Variants in GPAT3 observed in about 807,000 individuals in gnomAD.
The protein encoded by GPAT3 is glycerol-3-phosphate acyltransferase 3.
A neutral mutation model predicts 58.8 loss-of-function variants in GPAT3; 53 were observed. The ratio of observed to expected loss-of-function variants is 0.90; its 90% confidence interval spans 0.72 to 1.13. GPAT3 has a LOEUF of 1.13. Ranked by LOEUF, GPAT3 falls within the 50% of genes most tolerant of loss-of-function variation. GPAT3 has a pLI of 0.00. For synonymous variants in GPAT3, 197 were observed against 187.4 expected, an observed-to-expected ratio of 1.05 and a Z score of -0.42; for missense variants, 511 against 527.6, an observed-to-expected ratio of 0.97 and a Z score of 0.31.
chr4:83,586,258 A>G (rs1416699521), intron 3 of GPAT3, among the ~76,000 whole-genome samples: 1 of 152,204 alleles, frequency 6.6e-6, no homozygotes, highest in Non-Finnish European at 1.5e-5. Context: ...GAAAGTAAAG[A>G]TAGCTACGTG....
chr4:83,604,692 G>A lies in GPAT3; in HGVS notation c.1230G>A (p.Lys410=). 6.2e-7 allele frequency: 1 copy of A among 1,613,832 alleles called. No individual in the cohort carries two copies. Among genetic ancestry groups the A allele is most frequent in the Non-Finnish European group, 8.5e-7 (1 of 1,179,896 alleles). The change falls in exon 12 of 12, where the codon AAG becomes AAA. Residue 410 remains lysine, a synonymous_variant. Transcript: ENST00000264409. The part of the protein sequence containing the change: ...LPWDGGLKRA[K]VKDIFKEEQQ... ...GGGATGGAGGACTAAAGAGAGCAAA[G>A]GTGAAGGACATCTTTAAGGAAGAGC...
At chr4:83,594,717 T>G in intron 6 of GPAT3, 128 bp from the exon 7 acceptor site, 1 of 729,906 alleles carries the variant, frequency 1.4e-6, no homozygotes, top group Non-Finnish European at 2.3e-6. Context: ...TTGATCAGAC[T>G]AAGAACTTCA....
intron 6 of GPAT3, 150 bp from the exon 7 acceptor site, chr4:83,594,695 C>T (rs571805422): frequency 1.7e-6 from 1 of 594,102 alleles, no homozygotes; most frequent in South Asian, 2.3e-5. Flanking sequence ...TACATTTGGC[C>T]TTTCAGACTA....
chr4:83,589,917 C>T (rs570916747), intron 5 of GPAT3, among the ~76,000 whole-genome samples: 1 of 152,146 alleles, frequency 6.6e-6, no homozygotes, highest in South Asian at 2.1e-4. Flanking sequence ...CATGGAGAAA[C>T]CTCATCTCTG....
chr4:83,559,866 G>T, intron 2 of GPAT3, among the ~76,000 whole-genome samples: 1 of 152,154 alleles, frequency 6.6e-6, no homozygotes, highest in South Asian at 2.1e-4. Context: ...AGATAGCAGT[G>T]CTTCTGTTTG....
At chr4:83,591,088 G>T (rs1726582265) in intron 6 of GPAT3, among the ~76,000 whole-genome samples, 1 of 152,042 alleles carries the variant, frequency 6.6e-6, no homozygotes, top group African/African-American at 2.4e-5. Context: ...TTTTCATGGT[G>T]GTGGGTTGGG....
upstream of GPAT3, chr4:83,536,060 G>A: frequency 1.0e-6 from 1 of 985,478 alleles, no homozygotes; most frequent in South Asian, 4.7e-5. Flanking sequence ...GAGGAGGTGG[G>A]GCGAGGGCAG....
chr4:83,543,256 CA>C (rs376887166), intron 1 of GPAT3, among the ~76,000 whole-genome samples: 63 of 144,500 alleles, frequency 4.4e-4, no homozygotes, highest in African/African-American at 5.8e-4. Context: ...GCCCCTGTCT[CA>C]AAAAAAAAAA....
At chr4:83,535,598 C>T (rs916834092), upstream of GPAT3, 1 of 595,970 alleles carries the variant, frequency 1.7e-6, no homozygotes, top group Non-Finnish European at 2.1e-6. Context: ...GGAATCTTCC[C>T]CCAGAAAGGG....
At chr4:83,543,523 G>T (rs779907004) in intron 1 of GPAT3, among the ~76,000 whole-genome samples, 15 of 152,128 alleles carry the variant, frequency 9.9e-5, no homozygotes, top group Non-Finnish European at 1.8e-4. Context: ...TTGTTTTCCA[G>T]TTCTTAAATT....
At chr4:83,589,604 T>C (rs1470954737) in intron 5 of GPAT3, among the ~76,000 whole-genome samples, 2 of 152,194 alleles carry the variant, frequency 1.3e-5, no homozygotes, top group African/African-American at 4.8e-5. Context: ...ATTTTCTCCG[T>C]GGATTACCAT....
At chr4:83,587,804 A>C (rs1335826632) in intron 4 of GPAT3, among the ~76,000 whole-genome samples, 2 of 152,144 alleles carry the variant, frequency 1.3e-5, no homozygotes, top group Non-Finnish European at 2.9e-5. Context: ...GATTTTTTTA[A>C]ATCATACTTC....
At chr4:83,574,700 A>G in intron 2 of GPAT3, among the ~76,000 whole-genome samples, 1 of 111,162 alleles carries the variant, frequency 9.0e-6, no homozygotes, top group Non-Finnish European at 1.7e-5. Context: ...TTACCAATTT[A>G]AGAACTGTGG....
rs70965361 is a variant in GPAT3, at chr4:83,598,751, C to CTTT, written c.1205+62_1205+64dup. The CTTT allele has an allele frequency of 9.2e-3, 1,398 of 152,402 alleles. 298 individuals carry two copies. Among genetic ancestry groups the CTTT allele is most frequent in the South Asian group, 0.012 (238 of 20,354 alleles). The allele number at this position is 152,402 out of a possible 1,614,324, so 9.4% of individuals were successfully genotyped here. A position where few individuals can be genotyped will look rare whatever the true frequency, so the allele number is the denominator to read the frequency against. ...AAGAGAACTTTCAGAAGTACTATCA[C>CTTT]TTTTTTTTTTTTTTTTTTTTTTTTT... On this transcript the variant is annotated intron_variant, in intron 11 of 11. Transcript: ENST00000264409.
intron 5 of GPAT3, among the ~76,000 whole-genome samples, chr4:83,588,925 A>C (rs915864564): frequency 6.6e-6 from 1 of 152,066 alleles, no homozygotes; most frequent in Non-Finnish European, 1.5e-5. Flanking sequence ...TATTATCTTA[A>C]TTTTTTTTAG....
chr4:83,590,243 C>T lies in GPAT3; in HGVS notation c.689C>T (p.Thr230Ile), dbSNP rs780534063. 1.2e-5 allele frequency: 20 copies of T among 1,613,934 alleles called. No homozygotes were observed. The highest frequency in any genetic ancestry group is 1.7e-5 in the Non-Finnish European group (20 of 1,179,880). ...GGAGGCATTTGTGTTGCCAACCATA[C>T]TTCCCCCATTGATGTTTTAATCTTG... ...QKGGICVANHTSPIDVLILTT... is the reference protein window; with the variant it reads ...QKGGICVANHISPIDVLILTT... Residue 230 changes from threonine (T) to isoleucine (I), a missense_variant, in exon 6 of 12, where the codon ACT (threonine) becomes ATT (isoleucine). Thr to Ile is a moderately conservative substitution (Grantham distance 89, BLOSUM62 -1). Transcript: ENST00000264409.
chr4:83,547,185 T>C (rs1724553238), intron 2 of GPAT3, among the ~76,000 whole-genome samples: 1 of 151,646 alleles, frequency 6.6e-6, no homozygotes, highest in Non-Finnish European at 1.5e-5. Context: ...AAATAGATTT[T>C]GAGGAGCTGA....
intron 2 of GPAT3, among the ~76,000 whole-genome samples, chr4:83,547,531 C>A (rs375684080): frequency 6.6e-6 from 1 of 151,882 alleles, no homozygotes; most frequent in South Asian, 2.1e-4. Context: ...GGATTACAGG[C>A]GTGAGCTACT....
chr4:83,544,633 C>G, intron 2 of GPAT3, 31 bp downstream of exon 2: 1 of 1,607,072 alleles, frequency 6.2e-7, no homozygotes, highest in South Asian at 1.1e-5. Context: ...TGATTGTTAC[C>G]ATATTTAAAT....
Sources: allele counts gnomAD v4.1 joint callset (sites outside exome capture counted in the v4.1 genomes callset), GRCh38; gene constraint gnomAD v4.1.1; transcripts MANE v1.5; gene names NCBI Gene and HGNC (gene_info 2026-07-23, HGNC 2026-07-21).